Variants in ELN observed in about 807,000 individuals in gnomAD.
ELN encodes tropoelastin.
In ELN, 65 loss-of-function variants were observed where a neutral mutation model predicts 105.8. The observed-to-expected ratio is 0.61, with a 90% CI of 0.50 to 0.75. ELN has a LOEUF of 0.75. Among genes scored for constraint, ELN ranks in the 30% least tolerant of loss-of-function variants. The pLI is 0.00. For synonymous variants in ELN, 368 were observed against 389.2 expected, an observed-to-expected ratio of 0.95 and a Z score of 0.64; for missense variants, 882 against 969.4, an observed-to-expected ratio of 0.91 and a Z score of 1.20.
At chr7:74,030,759 A>G (rs1788490078) in intron 1 of ELN, among the ~76,000 whole-genome samples, 1 of 151,778 alleles carries the variant, frequency 6.6e-6, no homozygotes, top group Non-Finnish European at 1.5e-5. Flanking sequence ...CAACCTGGCT[A>G]TCTATTAGAC....
chr7:74,042,987 C>T lies in ELN; in HGVS notation c.329C>T (p.Ala110Val). The change falls in exon 7 of 33, where the codon GCT becomes GTT. Residue 110 changes from alanine (A) to valine (V), a missense_variant. Ala to Val is a moderately conservative substitution (Grantham distance 64). Coordinates refer to ENST00000252034, the MANE Select transcript of ELN (RefSeq NM_000501.4). ...AAAYKAAKAGAGLGGVPGVGG... is the reference protein window; with the variant it reads ...AAAYKAAKAGVGLGGVPGVGG... Reference sequence around the variant, plus strand: ...CTCACCTGTCCTGGCTCTGCAGGCGCTGGGCTTGGTGGTGTCCCAGGAGTT... The same window carrying T: ...CTCACCTGTCCTGGCTCTGCAGGCGTTGGGCTTGGTGGTGTCCCAGGAGTT... 6.2e-7 allele frequency: 1 copy of T among 1,614,208 alleles called. No individual in the cohort carries two copies. The highest frequency in any genetic ancestry group is 8.5e-7 in the Non-Finnish European group (1 of 1,180,042).
chr7:74,064,224 G>T (rs1797398450), intron 29 of ELN, among the ~76,000 whole-genome samples: 1 of 151,120 alleles, frequency 6.6e-6, no homozygotes, highest in African/African-American at 2.4e-5. Flanking sequence ...GACCATCCTG[G>T]CTAACACAGT....
chr7:74,040,280 G>A (rs1456897362), intron 4 of ELN, among the ~76,000 whole-genome samples: 1 of 152,212 alleles, frequency 6.6e-6, no homozygotes, highest in East Asian at 1.9e-4. Flanking sequence ...TGAGAGAAGC[G>A]ACTGCCAGCG....
chr7:74,054,645 C>T, intron 18 of ELN, 71 bp from the exon 19 acceptor site: 1 of 1,495,182 alleles, frequency 6.7e-7, no homozygotes, highest in Non-Finnish European at 9.3e-7. Context: ...GATGGGTAGA[C>T]AGAGGGATAC....
chr7:74,046,834 AG>A (rs1792670075), intron 12 of ELN, 67 bp downstream of exon 12: 1 of 1,581,928 alleles, frequency 6.3e-7, no homozygotes, highest in Admixed American at 1.7e-5. Flanking sequence ...CTGTAATCCC[AG>A]CACTTTGGGA....
intron 29 of ELN, among the ~76,000 whole-genome samples, chr7:74,064,423 A>AAAT (rs1554687738): frequency 2.0e-4 from 26 of 133,156 alleles, no homozygotes; most frequent in African/African-American, 3.7e-4. Flanking sequence ...TCAAAAAAAA[A>AAAT]ATATATATAT....
At chr7:74,041,373 A>T in intron 5 of ELN, 122 bp downstream of exon 5, 1 of 1,262,436 alleles carries the variant, frequency 7.9e-7, no homozygotes, top group Non-Finnish European at 1.1e-6. Context: ...CTGGGCACTG[A>T]CGGGGACTGA....
In ELN at chr7:74,051,776, G is replaced by A. The variant is rs781979172; in HGVS notation, c.826G>A (p.Gly276Ser). The change falls in exon 16 of 33, where the codon GGT becomes AGT. Residue 276 changes from glycine to serine, a missense_variant. By Grantham distance (56) the Gly-to-Ser change is moderately conservative (BLOSUM62 0). Transcript: ENST00000252034. ...FGAGAAGVLP[G>S]VGGAGVPGVP... ...TGCTGGAGCAGCCGGAGTCCTCCCT[G>A]GTGTTGGAGGGGCTGGTGTTCCTGG... 1 of 1,614,256 alleles carries A rather than the reference G, an allele frequency of 6.2e-7. No individual in the cohort carries two copies. The highest frequency in any genetic ancestry group is 1.1e-5 in the South Asian group (1 of 91,088).
intron 17 of ELN, chr7:74,052,905 GAGAA>G (rs1460373980): frequency 5.5e-6 from 3 of 550,244 alleles, no homozygotes; most frequent in Non-Finnish European, 9.7e-6. Context: ...AAGAAAGAAA[GAGAA>G]AGGAAGGAAA....
chr7:74,066,059 C>A, intron 31 of ELN, 62 bp downstream of exon 31: 4 of 1,610,070 alleles, frequency 2.5e-6, no homozygotes, highest in Non-Finnish European at 3.4e-6. Flanking sequence ...GGGGGCCTGT[C>A]CATCTAGCAG....
chr7:74,055,873 A>T (rs1583900105), intron 19 of ELN, among the ~76,000 whole-genome samples: 1 of 151,398 alleles, frequency 6.6e-6, no homozygotes, highest in African/African-American at 2.4e-5. Flanking sequence ...TGCAAGCTCC[A>T]CCTTCTGGGT....
In ELN at chr7:74,035,513, C is replaced by T; in HGVS notation, c.133+99C>T. On this transcript the variant is annotated intron_variant, in intron 2 of 32. Coordinates refer to ENST00000252034, the MANE Select transcript of ELN (RefSeq NM_000501.4). ...ACACTACAGAAGGTAGGAACATTGA[C>T]ACGCCTACCAGAAGTCACACCCACT... 7.8e-6 allele frequency: 11 copies of T among 1,415,408 alleles called. No individual in the cohort carries two copies. In the South Asian group the frequency reaches 1.2e-4, roughly 15 times the overall value. 87.7% of individuals were successfully genotyped at this position (1,415,408 alleles called of 1,614,324 possible).
Position 74,060,130 on chromosome 7 carries a change from C to T in ELN, c.1577-10C>T. The T allele has an allele frequency of 6.2e-7, 1 of 1,614,154 alleles. No individual in the cohort carries two copies. Among genetic ancestry groups the T allele is most frequent in the Non-Finnish European group, 8.5e-7 (1 of 1,180,030 alleles). ...TCCATCTCTAATCCCCCTCTCTCTC[C>T]CTCCCTCAGCTGCAGCAAAATCCGC... On this transcript the variant is annotated splice_polypyrimidine_tract_variant and intron_variant, in intron 23 of 32. Coordinates refer to ENST00000252034, the MANE Select transcript of ELN (RefSeq NM_000501.4).
intron 26 of ELN, among the ~76,000 whole-genome samples, chr7:74,062,535 C>G (rs1001877426): frequency 3.9e-5 from 6 of 152,026 alleles, no homozygotes; most frequent in Non-Finnish European, 8.8e-5. Context: ...GCTGTAGATA[C>G]TATTACCGTT....
intron 1 of ELN, among the ~76,000 whole-genome samples, chr7:74,034,031 G>A (rs1789322339): frequency 6.6e-6 from 1 of 152,200 alleles, no homozygotes; most frequent in Admixed American, 6.5e-5. Flanking sequence ...CTGAACTCGT[G>A]ATCCTGTCTG....
intron 3 of ELN, among the ~76,000 whole-genome samples, chr7:74,037,464 G>T (rs1790237677): frequency 6.6e-6 from 1 of 152,198 alleles, no homozygotes; most frequent in African/African-American, 2.4e-5. Flanking sequence ...AAAGTGCTAG[G>T]ATTACAGGCG....
chr7:74,032,375 T>A (rs1704144426), intron 1 of ELN, among the ~76,000 whole-genome samples: 1 of 152,106 alleles, frequency 6.6e-6, no homozygotes, highest in Admixed American at 6.5e-5. Flanking sequence ...GCAAGGACAT[T>A]CCTGGCAGGA....
chr7:74,051,481 G>A (rs1385787018), intron 15 of ELN, among the ~76,000 whole-genome samples: 1 of 152,198 alleles, frequency 6.6e-6, no homozygotes, highest in Admixed American at 6.5e-5. Context: ...GGCCACTTGT[G>A]GTTTCTCAGT....
At chr7:74,058,475 C>T (rs1433417174) in intron 22 of ELN, among the ~76,000 whole-genome samples, 4 of 152,052 alleles carry the variant, frequency 2.6e-5, no homozygotes, top group African/African-American at 4.8e-5. Context: ...CTGCTTCCGC[C>T]CCCCAAGAGC....
Sources: allele counts gnomAD v4.1 joint callset (sites outside exome capture counted in the v4.1 genomes callset), GRCh38; gene constraint gnomAD v4.1.1; transcripts MANE v1.5; gene names NCBI Gene and HGNC (gene_info 2026-07-23, HGNC 2026-07-21).